Variants in JPH1 observed in about 807,000 individuals in gnomAD.
JPH1 encodes junctophilin 1, also known as junctophilin-1.
A neutral mutation model predicts 53.6 loss-of-function variants in JPH1; 12 were observed. The observed-to-expected ratio is 0.22, with a 90% CI of 0.14 to 0.36. The LOEUF (loss-of-function observed/expected upper bound fraction) is 0.36. Ranked by LOEUF, JPH1 falls within the 10% of genes least tolerant of loss-of-function variation. The pLI is 1.00. For synonymous variants in JPH1, 375 were observed against 363.8 expected, an observed-to-expected ratio of 1.03 and a Z score of -0.35; for missense variants, 808 against 905.5, an observed-to-expected ratio of 0.89 and a Z score of 1.38.
chr8:74,307,691 AC>A lies in JPH1; in HGVS notation c.1139+7169del, dbSNP rs547327099. Among the ~76,000 whole-genome samples, 71 of 152,326 alleles carry A rather than the reference AC, an allele frequency of 4.7e-4. No homozygotes were observed. The South Asian group carries it at 0.015, about 32-fold the overall frequency. Reference sequence around the variant, plus strand: ...CACTTGTGCTAATTACTGAAAATTAACCAGAGCACCAGAAGAAAAAAAAATC... The same window carrying A: ...CACTTGTGCTAATTACTGAAAATTAACAGAGCACCAGAAGAAAAAAAAATC... On this transcript the variant is annotated intron_variant, in intron 2 of 5. Transcript: ENST00000342232.
At chr8:74,312,124 T>C (rs897940295) in intron 2 of JPH1, among the ~76,000 whole-genome samples, 6 of 152,208 alleles carry the variant, frequency 3.9e-5, no homozygotes, top group Non-Finnish European at 8.8e-5. Flanking sequence ...ACTAAAACAG[T>C]GAAGGTAAGT....
In JPH1 at chr8:74,278,407, G is replaced by A. The variant is rs183534421; in HGVS notation, c.1140-18904C>T. On this transcript the variant is annotated intron_variant, in intron 2 of 5. Transcript: ENST00000342232. ...CTGGTCCAGAAATCAAGCAGGGGAA[G>A]TGGAAGAGGCCCCACTCACCATCAC... 1.4e-4 allele frequency among the ~76,000 whole-genome samples: 21 copies of A among 152,332 alleles called. 1 individual carries two copies. The highest frequency in any genetic ancestry group is 4.1e-4 in the African/African-American group (17 of 41,572).
chr8:74,274,901 A>G (rs1024619973), intron 2 of JPH1, among the ~76,000 whole-genome samples: 4 of 152,208 alleles, frequency 2.6e-5, no homozygotes, highest in African/African-American at 7.2e-5. Flanking sequence ...TCCAGCTTAA[A>G]TTATATGATC....
intron 2 of JPH1, among the ~76,000 whole-genome samples, chr8:74,271,147 A>T (rs1295985837): frequency 6.6e-6 from 1 of 152,180 alleles, no homozygotes; most frequent in Non-Finnish European, 1.5e-5. Flanking sequence ...TCCACGAGGC[A>T]GGAATTTCTA....
chr8:74,253,119 C>T (rs573888526), intron 3 of JPH1, among the ~76,000 whole-genome samples: 53 of 152,154 alleles, frequency 3.5e-4, no homozygotes, highest in Non-Finnish European at 6.5e-4. Context: ...ACACCTATTC[C>T]AAAATTGACC....
chr8:74,316,109 C>A (rs1042645881), intron 1 of JPH1, among the ~76,000 whole-genome samples: 2 of 152,122 alleles, frequency 1.3e-5, no homozygotes, highest in Non-Finnish European at 2.9e-5. Context: ...AGGCTTAAAT[C>A]GGAATACTTG....
intron 2 of JPH1, among the ~76,000 whole-genome samples, chr8:74,273,989 GC>G (rs1806777543): frequency 6.6e-6 from 1 of 152,144 alleles, no homozygotes; most frequent in Non-Finnish European, 1.5e-5. Flanking sequence ...CCTGCCATTT[GC>G]CACTTGTTCT....
At chr8:74,302,572 G>A (rs1807713703) in intron 2 of JPH1, among the ~76,000 whole-genome samples, 1 of 152,168 alleles carries the variant, frequency 6.6e-6, no homozygotes, top group Non-Finnish European at 1.5e-5. Flanking sequence ...TGCCTGCTAT[G>A]GAACTTGAGT....
chr8:74,279,224 C>T (rs1806939853), intron 2 of JPH1, among the ~76,000 whole-genome samples: 1 of 152,202 alleles, frequency 6.6e-6, no homozygotes, highest in Non-Finnish European at 1.5e-5. Flanking sequence ...TCTGACTTAG[C>T]TCAACTTTGT....
intron 3 of JPH1, among the ~76,000 whole-genome samples, chr8:74,257,956 C>G (rs1013244136): frequency 2.0e-5 from 3 of 152,034 alleles, no homozygotes; most frequent in South Asian, 4.1e-4. Context: ...TGTCTTCTTT[C>G]TTTGCAGGAA....
Position 74,321,290 on chromosome 8 carries a change from G to T in JPH1, c.-3C>A. 6.4e-7 allele frequency: 1 copy of T among 1,558,880 alleles called. No individual in the cohort carries two copies. The highest frequency in any genetic ancestry group is 8.7e-7 in the Non-Finnish European group (1 of 1,152,644). ...AAGTCGAACCTTCCGCCCGTCATTC[G>T]GGGGGCAGCCCCGGCGCGCTCCCCG... On this transcript the variant is annotated 5_prime_UTR_variant, in exon 1 of 6. Transcript: ENST00000342232. This position sits in a 1 kb window ranked among gnomAD's most constrained non-coding sequence, Gnocchi z 4.3.
intron 2 of JPH1, among the ~76,000 whole-genome samples, chr8:74,302,575 A>C (rs17254679): frequency 0.69 from 104,305 of 152,060 alleles, 36,201 homozygotes; most frequent in African/African-American, 0.81. Context: ...CTGCTATGGA[A>C]CTTGAGTGTA....
chr8:74,276,754 T>C (rs1806860569), intron 2 of JPH1, among the ~76,000 whole-genome samples: 1 of 152,212 alleles, frequency 6.6e-6, no homozygotes, highest in African/African-American at 2.4e-5. Context: ...ATTTTTCCTA[T>C]GGTGGTCTTT....
Position 74,287,959 on chromosome 8 carries a change from AT to A in JPH1, c.1139+26901del, listed in dbSNP as rs201505792. 2.2e-3 allele frequency among the ~76,000 whole-genome samples: 334 copies of A among 148,850 alleles called. 1 individual carries two copies. Among genetic ancestry groups the A allele is most frequent in the Non-Finnish European group, 2.5e-3 (165 of 66,892 alleles). ...ATATGTACTTGTTTTAGCTGACAAT[AT>A]TTTTTTTTTTCAGCTAGAAAACCCT... On this transcript the variant is annotated intron_variant, in intron 2 of 5. Transcript: ENST00000342232.
At chr8:74,287,718 AAT>A in intron 2 of JPH1, among the ~76,000 whole-genome samples, 1 of 152,072 alleles carries the variant, frequency 6.6e-6, no homozygotes, top group South Asian at 2.1e-4. Flanking sequence ...AGAAGGGTGA[AAT>A]TCCACTCAGT....
chr8:74,248,022 A>C (rs1805911356), intron 3 of JPH1, among the ~76,000 whole-genome samples: 1 of 152,200 alleles, frequency 6.6e-6, no homozygotes, highest in Non-Finnish European at 1.5e-5. Flanking sequence ...GATTCCATTG[A>C]AAGTATTTCT....
At chr8:74,254,429 C>A (rs1302174223) in intron 3 of JPH1, among the ~76,000 whole-genome samples, 1 of 152,036 alleles carries the variant, frequency 6.6e-6, no homozygotes, top group Non-Finnish European at 1.5e-5. Flanking sequence ...AAACCCACAG[C>A]CAATATCATA....
At chr8:74,290,985 A>G (rs185063984) in intron 2 of JPH1, among the ~76,000 whole-genome samples, 1,694 of 152,326 alleles carry the variant, frequency 0.011, 16 homozygotes, top group South Asian at 0.02. Context: ...TTAATTCAAG[A>G]TGGATTAAAG....
intron 4 of JPH1, among the ~76,000 whole-genome samples, chr8:74,237,584 C>T (rs1385031261): frequency 1.3e-5 from 2 of 152,322 alleles, no homozygotes; most frequent in Middle Eastern, 3.4e-3. Context: ...TGGACAACAG[C>T]GTGTGCTGAG....
Sources: gnomAD v4.1 joint callset for allele counts (sites outside exome capture counted in the v4.1 genomes callset) on GRCh38, gnomAD v4.1.1 for gene constraint, Gnocchi (gnomAD v3.1) non-coding constraint, MANE v1.5 for transcripts, NCBI Gene and HGNC (gene_info 2026-07-23, HGNC 2026-07-21) for gene names.